Variants in PRIM2 observed in about 807,000 individuals in gnomAD.
PRIM2 encodes the protein DNA primase large subunit.
Under a neutral mutation model 67.3 loss-of-function variants are expected in PRIM2, and 39 were observed. The observed-to-expected ratio is 0.58, with a 90% CI of 0.45 to 0.76. The LOEUF (loss-of-function observed/expected upper bound fraction) is 0.76, where lower values mean the gene tolerates loss of function less well. Ranked by LOEUF, PRIM2 falls within the 30% of genes least tolerant of loss-of-function variation. The probability of loss-of-function intolerance (pLI) is 0.00; values close to 1 mark genes in which losing one functional copy is unlikely to be tolerated. For missense variants in PRIM2, 398 were observed against 598.7 expected (o/e 0.66, Z 3.50); for synonymous variants, 143 against 198.7 (o/e 0.72, Z 2.36).
chr6:57,594,974 A>G (rs1425466882), intron 10 of PRIM2, among the ~76,000 whole-genome samples: 1 of 152,238 alleles, frequency 6.6e-6, no homozygotes, highest in Non-Finnish European at 1.5e-5. Context: ...TTGAACAGAC[A>G]TTTCATAAAA....
At chr6:57,578,243 C>T (rs1775998726) in intron 10 of PRIM2, among the ~76,000 whole-genome samples, 1 of 152,074 alleles carries the variant, frequency 6.6e-6, no homozygotes, top group African/African-American at 2.4e-5. Flanking sequence ...ACCTTGATCA[C>T]TTGGTTAAAG....
At chr6:57,592,461 C>T (rs1352499289) in intron 10 of PRIM2, among the ~76,000 whole-genome samples, 1 of 152,128 alleles carries the variant, frequency 6.6e-6, no homozygotes, top group Non-Finnish European at 1.5e-5. Context: ...CTTTATTGTT[C>T]AAGCCGACCT....
At chr6:57,613,798 C>T (rs1344021945) in intron 12 of PRIM2, among the ~76,000 whole-genome samples, 4 of 152,208 alleles carry the variant, frequency 2.6e-5, no homozygotes, top group Admixed American at 6.5e-5. Flanking sequence ...GGAATCTGAA[C>T]ATTTTATTAT....
At chr6:57,253,617 C>T in the PRIM2 span, among the ~76,000 whole-genome samples, 1 of 151,980 alleles carries the variant, frequency 6.6e-6, no homozygotes, top group Non-Finnish European at 1.5e-5. Flanking sequence ...TTAATAGTTA[C>T]TAATTATATA....
At chr6:57,311,199 C>CGAGACGGGGCGGCCGGG (rs1767377859), upstream of PRIM2, among the ~76,000 whole-genome samples, 4 of 145,848 alleles carry the variant, frequency 2.7e-5, no homozygotes, top group South Asian at 8.7e-4. Flanking sequence ...CCCTCACCTC[C>CGAGACGGGGCGGCCGGG]CAGACGGGGC....
At chr6:57,512,365 TG>T (rs1412518713) in intron 8 of PRIM2, among the ~76,000 whole-genome samples, 3 of 152,052 alleles carry the variant, frequency 2.0e-5, no homozygotes, top group Non-Finnish European at 4.4e-5. Context: ...ATGAGTAGTA[TG>T]GGAGTAAGAG....
At chr6:57,398,714 C>T (rs1195996551) in intron 7 of PRIM2, among the ~76,000 whole-genome samples, 1 of 152,084 alleles carries the variant, frequency 6.6e-6, no homozygotes, top group African/African-American at 2.4e-5. Flanking sequence ...AATTTTCTGC[C>T]TCAATGATTT....
chr6:57,327,871 C>T (rs868526011), intron 5 of PRIM2, among the ~76,000 whole-genome samples: 2 of 152,064 alleles, frequency 1.3e-5, no homozygotes, highest in Non-Finnish European at 2.9e-5. Context: ...GGACTGAGGT[C>T]GGGGGATGGG....
chr6:57,530,509 T>C (rs1469667781), intron 8 of PRIM2, among the ~76,000 whole-genome samples: 1 of 152,222 alleles, frequency 6.6e-6, no homozygotes, highest in East Asian at 1.9e-4. Flanking sequence ...GTTTTGCTTT[T>C]AGGCAGATAG....
the PRIM2 span, among the ~76,000 whole-genome samples, chr6:57,264,436 G>C: frequency 1.3e-5 from 2 of 151,846 alleles, no homozygotes; most frequent in African/African-American, 4.8e-5. Flanking sequence ...ATTGTTCCTG[G>C]AGTGCTCGTC....
intron 8 of PRIM2, among the ~76,000 whole-genome samples, chr6:57,517,088 G>A (rs1397121785): frequency 6.6e-6 from 1 of 152,280 alleles, no homozygotes; most frequent in African/African-American, 2.4e-5. Flanking sequence ...TTGTATGTAT[G>A]CAGTAAGTCA....
rs1330364483 is a variant in PRIM2, at chr6:57,451,832, G to C, written c.694-55555G>C. ...GTTTTAGGGTACATGTGCACTATGTGCAGGTTAATTACCTATGTATGCATG... is the reference window on the plus strand; with the variant it reads ...GTTTTAGGGTACATGTGCACTATGTCCAGGTTAATTACCTATGTATGCATG... On this transcript the variant is annotated intron_variant, in intron 7 of 13. Transcript: ENST00000615550. Among the ~76,000 whole-genome samples, 70 of 149,384 alleles carry C rather than the reference G, an allele frequency of 4.7e-4. No individual in the cohort carries two copies. The East Asian group carries it at 0.013, about 28-fold the overall frequency.
At position 57,330,360 on chromosome 6, in the gene PRIM2, TGTTTTTGTTTTTTTG is replaced by T. The variant is rs1768013708; in HGVS notation, c.459+4316_459+4330del. On this transcript the variant is annotated intron_variant, in intron 5 of 13. Transcript: ENST00000615550. The stretch of plus-strand genomic sequence containing the variant: ...CCTTGCTGAACTTGTTTTTTTTTTT[TGTTTTTGTTTTTTTG>T]TTTTTTTGTTTTTTTTTTTTTGAGA... Among the ~76,000 whole-genome samples the T allele has an allele frequency of 1.1e-4, 9 of 82,342 alleles. No homozygotes were observed. The South Asian group carries it at 1.3e-3, about 12-fold the overall frequency. 54.0% of individuals were successfully genotyped at this position (82,342 alleles called of 152,430 possible). A position where few individuals can be genotyped will look rare whatever the true frequency, so the allele number is the denominator to read the frequency against.
chr6:57,609,345 A>G (rs1355163937), intron 12 of PRIM2, among the ~76,000 whole-genome samples: 2 of 152,110 alleles, frequency 1.3e-5, no homozygotes, highest in Non-Finnish European at 2.9e-5. Flanking sequence ...GAGTGTATCA[A>G]CTGGTCTTAC....
chr6:57,487,803 G>A (rs1431033263), intron 7 of PRIM2, among the ~76,000 whole-genome samples: 1 of 152,212 alleles, frequency 6.6e-6, no homozygotes, highest in Non-Finnish European at 1.5e-5. Context: ...CGAAATAGGA[G>A]AGGTGATAGT....
At chr6:57,227,408 C>A in the PRIM2 span, among the ~76,000 whole-genome samples, 2 of 152,156 alleles carry the variant, frequency 1.3e-5, no homozygotes. Context: ...CTTTGGGAGG[C>A]CAAGGCAGGA....
chr6:57,248,795 T>G, the PRIM2 span, among the ~76,000 whole-genome samples: 15 of 152,242 alleles, frequency 9.9e-5, no homozygotes, highest in Non-Finnish European at 2.9e-5. Flanking sequence ...CCAGTCAGCA[T>G]GAATGAGCCT....
At chr6:57,287,738 C>T in the PRIM2 span, among the ~76,000 whole-genome samples, 1 of 150,836 alleles carries the variant, frequency 6.6e-6, no homozygotes, top group Non-Finnish European at 1.5e-5. Context: ...AACAAAGCTG[C>T]ATGTTCAGCA....
intron 9 of PRIM2, among the ~76,000 whole-genome samples, chr6:57,533,828 G>C (rs1352732729): frequency 1.3e-5 from 2 of 152,168 alleles, no homozygotes; most frequent in African/African-American, 4.8e-5. Context: ...ACAGAAGTGA[G>C]GAAAACAGAA....
Sources: allele counts gnomAD v4.1 joint callset (sites outside exome capture counted in the v4.1 genomes callset), GRCh38; gene constraint gnomAD v4.1.1; transcripts MANE v1.5; gene names NCBI Gene and HGNC (gene_info 2026-07-23, HGNC 2026-07-21).